Variants in NFIA observed in about 807,000 individuals in gnomAD.
The protein encoded by NFIA is nuclear factor I A.
A neutral mutation model predicts 62.8 loss-of-function variants in NFIA; 8 were observed. The ratio of observed to expected loss-of-function variants is 0.13; its 90% CI spans 0.07 to 0.23. The LOEUF is 0.23. NFIA is among the 10% of genes least tolerant of loss of function. NFIA has a pLI of 1.00. For synonymous variants in NFIA, 235 were observed against 238.1 expected (o/e 0.99, Z 0.12); for missense variants, 410 against 642.1 (o/e 0.64, Z 3.91).
At chr1:61,183,293 C>T (rs1650879559) in intron 2 of NFIA, among the ~76,000 whole-genome samples, 1 of 152,170 alleles carries the variant, frequency 6.6e-6, no homozygotes, top group African/African-American at 2.4e-5. Context: ...AGGAGGCGTG[C>T]ACGTCAGAAG....
intron 3 of NFIA, among the ~76,000 whole-genome samples, chr1:61,306,330 G>A (rs1659797188): frequency 7.5e-6 from 1 of 132,868 alleles, no homozygotes; most frequent in Non-Finnish European, 1.5e-5. Flanking sequence ...AGGCTGGAGT[G>A]CAGTGAAGCC....
In NFIA at chr1:61,455,483, G is replaced by T; in HGVS notation, c.*163G>T. ...GTACATGGAAACAGCAAGCATTATG[G>T]TCAAACAGCAAAGGCCATAACCTTT... On this transcript the variant is annotated 3_prime_UTR_variant, in exon 11 of 11. Coordinates refer to ENST00000403491, the MANE Select transcript of NFIA (RefSeq NM_001134673.4). 2 of 1,145,842 alleles carry T rather than the reference G, an allele frequency of 1.7e-6. No individual in the cohort carries two copies. The highest frequency in any genetic ancestry group is 2.4e-5 in the East Asian group (1 of 41,656). 71.0% of individuals were successfully genotyped at this position (1,145,842 alleles called of 1,614,324 possible).
intron 2 of NFIA, among the ~76,000 whole-genome samples, chr1:61,274,548 T>C (rs1276847762): frequency 1.3e-5 from 2 of 152,220 alleles, no homozygotes; most frequent in Non-Finnish European, 2.9e-5. Flanking sequence ...AACATCCAGT[T>C]CTATGCAGTT....
chr1:61,409,800 C>G (rs567795945), intron 9 of NFIA, among the ~76,000 whole-genome samples: 2 of 152,108 alleles, frequency 1.3e-5, no homozygotes, highest in African/African-American at 4.8e-5. Context: ...CAGCACCTGT[C>G]CCCGAAGAGG....
At chr1:61,367,954 A>G (rs770507332) in intron 6 of NFIA, among the ~76,000 whole-genome samples, 19 of 152,226 alleles carry the variant, frequency 1.2e-4, no homozygotes, top group Middle Eastern at 6.3e-3. Context: ...TGGAGATCAC[A>G]CACGTCTCAC....
At chr1:61,425,886 A>G (rs546902217) in intron 9 of NFIA, among the ~76,000 whole-genome samples, 1 of 152,232 alleles carries the variant, frequency 6.6e-6, no homozygotes. Context: ...TATTTTGTGC[A>G]TCATAAAGAT....
chr1:61,135,240 A>T (rs1313620887), intron 2 of NFIA, among the ~76,000 whole-genome samples: 1 of 152,232 alleles, frequency 6.6e-6, no homozygotes, highest in African/African-American at 2.4e-5. Context: ...CATTTAATAC[A>T]GCTACTTTGA....
intron 2 of NFIA, among the ~76,000 whole-genome samples, chr1:61,190,503 C>A (rs1012663678): frequency 6.6e-6 from 1 of 152,210 alleles, no homozygotes; most frequent in African/African-American, 2.4e-5. Flanking sequence ...AACAGACACA[C>A]GTCTTATCCC....
intron 4 of NFIA, among the ~76,000 whole-genome samples, chr1:61,335,973 C>T (rs1293433947): frequency 6.6e-6 from 1 of 152,120 alleles, no homozygotes; most frequent in East Asian, 1.9e-4. Context: ...ATACCATGTA[C>T]CAGGCATTGT....
chr1:61,366,412 A>G lies in NFIA; in HGVS notation c.946+7138A>G, dbSNP rs1341596711. ...TACTTAAATTTTCTCCTGTAGAAAA[A>G]CATTCAAAATTCCAAATGCCTTCAA... On this transcript the variant is annotated intron_variant, in intron 6 of 10. Transcript: ENST00000403491. Among the ~76,000 whole-genome samples the G allele has an allele frequency of 3.3e-5, 5 of 152,204 alleles. 1 individual carries two copies. The South Asian group carries it at 6.2e-4, about 19-fold the overall frequency.
At chr1:61,207,098 G>A (rs1652948566) in intron 2 of NFIA, among the ~76,000 whole-genome samples, 2 of 152,184 alleles carry the variant, frequency 1.3e-5, no homozygotes, top group East Asian at 3.9e-4. Context: ...CTACATCTGG[G>A]AGGGAATGGT....
chr1:61,140,163 G>T (rs1647396309), intron 2 of NFIA, among the ~76,000 whole-genome samples: 1 of 152,080 alleles, frequency 6.6e-6, no homozygotes, highest in African/African-American at 2.4e-5. Flanking sequence ...CTGAAAATTG[G>T]CCCATATACA....
chr1:61,155,045 C>T (rs1328830162), intron 2 of NFIA, among the ~76,000 whole-genome samples: 1 of 152,124 alleles, frequency 6.6e-6, no homozygotes, highest in Non-Finnish European at 1.5e-5. Flanking sequence ...TTAAATCTCC[C>T]TAGGCCTTGG....
At chr1:61,348,332 A>G (rs1662358642) in intron 4 of NFIA, among the ~76,000 whole-genome samples, 1 of 152,228 alleles carries the variant, frequency 6.6e-6, no homozygotes, top group Non-Finnish European at 1.5e-5. Flanking sequence ...GTGAATTACT[A>G]GGATTATTTA....
intron 3 of NFIA, among the ~76,000 whole-genome samples, chr1:61,330,271 C>G (rs1011211641): frequency 1.2e-4 from 18 of 152,168 alleles, no homozygotes; most frequent in Admixed American, 1.3e-4. Flanking sequence ...CCTGTAGATT[C>G]ATTCATCTAC....
At chr1:61,265,224 G>A (rs1657084202) in intron 2 of NFIA, among the ~76,000 whole-genome samples, 1 of 152,142 alleles carries the variant, frequency 6.6e-6, no homozygotes, top group Admixed American at 6.5e-5. Flanking sequence ...TGGCTTCCAA[G>A]TGTGGTTCAA....
At chr1:61,122,010 T>C (rs944592232) in intron 2 of NFIA, among the ~76,000 whole-genome samples, 9 of 152,168 alleles carry the variant, frequency 5.9e-5, no homozygotes, top group Admixed American at 3.9e-4. Flanking sequence ...CATCATAGGA[T>C]GTTATAGTTA....
Position 61,088,646 on chromosome 1 carries a change from C to A in NFIA, c.525C>A (p.Leu175=). 2 of 1,613,662 alleles carry A rather than the reference C, an allele frequency of 1.2e-6. No homozygotes were observed. The highest frequency in any genetic ancestry group is 8.5e-7 in the Non-Finnish European group (1 of 1,179,802). Residue 175 remains leucine (L), a synonymous_variant, in exon 2 of 11, where the codon CTC becomes CTA. Coordinates refer to ENST00000403491, the MANE Select transcript of NFIA (RefSeq NM_001134673.4). This position sits in a 1 kb window ranked among gnomAD's most constrained non-coding sequence, Gnocchi z 4.5. ...ACATAGGGGTTTCTGTTAAGGAACT[C>A]GATTTATATTTGGCATACTTTGTGC... ...PHHIGVSVKE[L]DLYLAYFVHA...
At chr1:61,243,148 T>A (rs1655445957) in intron 2 of NFIA, among the ~76,000 whole-genome samples, 1 of 152,130 alleles carries the variant, frequency 6.6e-6, no homozygotes, top group South Asian at 2.1e-4. Flanking sequence ...TAAAACCAAA[T>A]GTTATTGACA....
Sources: gnomAD v4.1 joint callset for allele counts (sites outside exome capture counted in the v4.1 genomes callset) on GRCh38, gnomAD v4.1.1 for gene constraint, Gnocchi (gnomAD v3.1) non-coding constraint, MANE v1.5 for transcripts, NCBI Gene and HGNC (gene_info 2026-07-23, HGNC 2026-07-21) for gene names.